PPP5C: variants seen among roughly 807,000 people sequenced by gnomAD.
The protein encoded by PPP5C is serine/threonine-protein phosphatase 5.
Under a neutral mutation model 66.7 loss-of-function variants are expected in PPP5C, and 21 were observed. The ratio of observed to expected loss-of-function variants is 0.31; its 90% CI spans 0.22 to 0.45. PPP5C has a LOEUF of 0.45. PPP5C is among the 20% of genes least tolerant of loss of function. The pLI is 1.00. For missense variants in PPP5C, 464 were observed against 675.9 expected (o/e 0.69, Z 3.48); for synonymous variants, 246 against 257.4 (o/e 0.96, Z 0.43).
chr19:46,388,714 C>T lies in PPP5C; in HGVS notation c.1338C>T (p.Phe446=). The T allele has an allele frequency of 6.2e-7, 1 of 1,614,156 alleles. No homozygotes were observed. Among genetic ancestry groups the T allele is most frequent in the South Asian group, 1.1e-5 (1 of 91,076 alleles). Residue 446 remains phenylalanine (F), a synonymous_variant, in exon 11 of 13, where the codon TTC becomes TTT. Coordinates refer to ENST00000012443, the MANE Select transcript of PPP5C (RefSeq NM_006247.4). The surrounding 1 kb of genome is among the most constrained non-coding windows in gnomAD (Gnocchi z 4.9). ...VAHGGRCVTV[F]SAPNYCDQMG... ...ACGGAGGCCGCTGTGTCACCGTCTTCTCTGCCCCCAACTACTGGTATGTCT... is the reference window on the plus strand; with the variant it reads ...ACGGAGGCCGCTGTGTCACCGTCTTTTCTGCCCCCAACTACTGGTATGTCT...
At chr19:46,390,018 ACCACACTGT>A in intron 11 of PPP5C, 24 bp from the exon 12 acceptor site, 1 of 1,605,828 alleles carries the variant, frequency 6.2e-7, no homozygotes, top group South Asian at 1.1e-5. Context: ...CCCAGCCCTG[ACCACACTGT>A]CCACTCTGCT....
At position 46,387,446 on chromosome 19, in the gene PPP5C, A is replaced by C. The variant is rs1420441655; in HGVS notation, c.1128A>C (p.Pro376=). 1 of 1,613,790 alleles carries C rather than the reference A, an allele frequency of 6.2e-7. No individual in the cohort carries two copies. Among genetic ancestry groups the C allele is most frequent in the Non-Finnish European group, 8.5e-7 (1 of 1,179,788 alleles). The change falls in exon 9 of 13, where the codon CCA becomes CCC. Residue 376 remains proline, a synonymous_variant. Coordinates refer to ENST00000012443, the MANE Select transcript of PPP5C (RefSeq NM_006247.4). ...IRKIERNRQP[P]DSGPMCDLLW... ...AAATTGAGCGGAATCGACAACCCCC[A>C]GATTCAGGTGAGCAGCGCGGGGCCA...
At chr19:46,385,318 G>A (rs1002798019) in intron 7 of PPP5C, among the ~76,000 whole-genome samples, 1 of 152,128 alleles carries the variant, frequency 6.6e-6, no homozygotes, top group African/African-American at 2.4e-5. Flanking sequence ...TCAGATTCAG[G>A]CTTGGTGTCA....
rs186937466 is a variant in PPP5C at position 46,373,768 on chromosome 19, C to T, written c.364-1836C>T. Among the ~76,000 whole-genome samples the T allele has an allele frequency of 9.2e-5, 14 of 152,300 alleles. No homozygotes were observed. In the East Asian group the frequency reaches 2.5e-3, roughly 27 times the overall value. The stretch of plus-strand genomic sequence containing the variant: ...ACCGGTTCCGAACCAGCAGGGCTCA[C>T]GGCTGGAACAAGGGAGCCCAGGGGC... On this transcript the variant is annotated intron_variant, in intron 2 of 12. Coordinates refer to ENST00000012443, the MANE Select transcript of PPP5C (RefSeq NM_006247.4).
rs550214850 is a variant in PPP5C, at chr19:46,376,640, C to T, written c.633+66C>T. On this transcript the variant is annotated intron_variant, in intron 4 of 12. Transcript: ENST00000012443. The surrounding 1 kb of genome is among the most constrained non-coding windows in gnomAD (Gnocchi z 5.1). ...GATGGCATCACAGCACTGCCAGCCG[C>T]GGGCACTGAGCAAAACGACAGGAGA... The T allele has an allele frequency of 1.9e-4, 307 of 1,581,186 alleles. 1 individual carries two copies. In the African/African-American group the frequency reaches 3.5e-3, roughly 18 times the overall value.
chr19:46,361,763 C>CAA (rs202221574), intron 2 of PPP5C, among the ~76,000 whole-genome samples: 3 of 104,258 alleles, frequency 2.9e-5, no homozygotes, highest in African/African-American at 3.4e-5. Context: ...GACTCCGTCT[C>CAA]AAAAAAAAAA....
At chr19:46,375,936 C>T (rs2147389776) in intron 3 of PPP5C, among the ~76,000 whole-genome samples, 185 bp downstream of exon 3, 1 of 152,302 alleles carries the variant, frequency 6.6e-6, no homozygotes, top group East Asian at 1.9e-4. Flanking sequence ...CTCACGCTTC[C>T]CAGTGAGCGA....
intron 1 of PPP5C, 40 bp from the exon 2 acceptor site, chr19:46,353,708 G>A (rs768719488): frequency 3.1e-6 from 5 of 1,612,490 alleles, no homozygotes; most frequent in Non-Finnish European, 4.2e-6. Context: ...TCCTCGCAGG[G>A]TTGGAGCACT....
At chr19:46,390,193 A>T (rs1972990530) in intron 12 of PPP5C, 61 bp downstream of exon 12, 2 of 1,609,512 alleles carry the variant, frequency 1.2e-6, no homozygotes, top group South Asian at 2.2e-5. Context: ...GGAGGCTGAG[A>T]CCCTGGTAAG....
At chr19:46,367,959 C>T (rs901240679) in intron 2 of PPP5C, among the ~76,000 whole-genome samples, 1 of 152,180 alleles carries the variant, frequency 6.6e-6, no homozygotes, top group Non-Finnish European at 1.5e-5. Flanking sequence ...CCCGTTCCAG[C>T]TGCACAATTG....
intron 2 of PPP5C, among the ~76,000 whole-genome samples, chr19:46,366,689 G>A (rs1048135000): frequency 2.0e-5 from 3 of 152,152 alleles, no homozygotes; most frequent in African/African-American, 7.2e-5. Flanking sequence ...GATTATAAAA[G>A]GGGTTTTGCA....
In PPP5C at chr19:46,388,863, C is replaced by T; in HGVS notation, c.1355+132C>T. Reference sequence around the variant, plus strand: ...AGATAAAAGAACATGACGAACACCCCCGTATGTGTCACCCACCCATGCAGC... The same window carrying T: ...AGATAAAAGAACATGACGAACACCCTCGTATGTGTCACCCACCCATGCAGC... On this transcript the variant is annotated intron_variant, in intron 11 of 12. Coordinates refer to ENST00000012443, the MANE Select transcript of PPP5C (RefSeq NM_006247.4). The surrounding 1 kb of genome is among the most constrained non-coding windows in gnomAD (Gnocchi z 4.9). 9.0e-7 allele frequency: 1 copy of T among 1,110,420 alleles called. No individual in the cohort carries two copies. The highest frequency in any genetic ancestry group is 1.3e-6 in the Non-Finnish European group (1 of 785,206). The allele number at this position is 1,110,420 out of a possible 1,614,324, so 68.8% of individuals were successfully genotyped here.
At chr19:46,375,785 C>T in intron 3 of PPP5C, 34 bp downstream of exon 3, 1 of 1,551,602 alleles carries the variant, frequency 6.4e-7, no homozygotes, top group Non-Finnish European at 8.7e-7. Context: ...CGCTCCAGCC[C>T]AGAACATTCC....
chr19:46,367,331 G>A (rs752657486), intron 2 of PPP5C, among the ~76,000 whole-genome samples: 1 of 152,302 alleles, frequency 6.6e-6, no homozygotes, highest in African/African-American at 2.4e-5. Context: ...CTGTACCAGC[G>A]TATTTCTCCC....
chr19:46,389,249 G>A (rs960401308), intron 11 of PPP5C, among the ~76,000 whole-genome samples: 5 of 151,438 alleles, frequency 3.3e-5, no homozygotes, highest in Admixed American at 1.3e-4. Flanking sequence ...GTTCGAACCC[G>A]GGAGGTAGAG....
intron 7 of PPP5C, 56 bp downstream of exon 7, chr19:46,384,965 C>A (rs1440997521): frequency 1.5e-6 from 2 of 1,310,770 alleles, no homozygotes; most frequent in Admixed American, 1.7e-5. Flanking sequence ...GTGGGGCACT[C>A]ACTCTGCAAG....
At position 46,387,128 on chromosome 19, in the gene PPP5C, G is replaced by A. The variant is rs759682571; in HGVS notation, c.940G>A (p.Gly314Ser). 1.2e-6 allele frequency: 2 copies of A among 1,614,246 alleles called. No individual in the cohort carries two copies. The highest frequency in any genetic ancestry group is 1.1e-5 in the South Asian group (1 of 91,086). The change falls in exon 8 of 13, where the codon GGT becomes AGT. Residue 314 changes from glycine (G) to serine (S), a missense_variant. Physicochemically the swap from Gly to Ser is moderately conservative, Grantham distance 56 (BLOSUM62 0). Around this residue, in one of 2 missense-constraint regions of PPP5C, gnomAD observed 387 missense variants for 626.0 expected, o/e 0.62. Transcript: ENST00000012443. ...HETDNMNQIYGFEGEVKAKYT... is the reference protein window; with the variant it reads ...HETDNMNQIYSFEGEVKAKYT... The stretch of plus-strand genomic sequence containing the variant: ...GACAGACAACATGAACCAGATCTAC[G>A]GTTTCGAGGGTGAGGTGAAGGCCAA...
intron 1 of PPP5C, among the ~76,000 whole-genome samples, chr19:46,351,702 G>A (rs1972188429): frequency 6.6e-6 from 1 of 152,234 alleles, no homozygotes; most frequent in African/African-American, 2.4e-5. Context: ...AGGGAGGGTC[G>A]GTCAGATCTG....
chr19:46,351,893 A>T (rs1401179517), intron 1 of PPP5C, among the ~76,000 whole-genome samples: 2 of 152,202 alleles, frequency 1.3e-5, no homozygotes, highest in Non-Finnish European at 2.9e-5. Context: ...CCTGGGAGTA[A>T]AGGAGGGCTT....
Sources: gnomAD v4.1 joint callset for allele counts (sites outside exome capture counted in the v4.1 genomes callset) on GRCh38, gnomAD v4.1.1 for gene constraint, gnomAD v4.1.1 regional missense constraint, Gnocchi (gnomAD v3.1) non-coding constraint, MANE v1.5 for transcripts, NCBI Gene and HGNC (gene_info 2026-07-23, HGNC 2026-07-21) for gene names.